Variants in AGRN observed in about 807,000 individuals in gnomAD.
AGRN encodes the protein agrin.
A neutral mutation model predicts 211.0 loss-of-function variants in AGRN; 106 were observed. The observed-to-expected ratio is 0.50, with a 90% CI of 0.43 to 0.59. AGRN has a LOEUF of 0.59. AGRN is among the 20% of genes least tolerant of loss of function. The probability of loss-of-function intolerance (pLI) is 0.00; values close to 1 mark genes in which losing one functional copy is unlikely to be tolerated. For missense variants in AGRN, 3,040 were observed against 2,982.6 expected (o/e 1.02, Z -0.45); for synonymous variants, 1,525 against 1,332.5 (o/e 1.14, Z -3.15).
Position 1,044,405 on chromosome 1 carries a change from A to G in AGRN, c.2220A>G (p.Arg740=). ...AGAAGGCCAGGTGTGAGTCACAGCG[A>G]GGGCTCTACGTAGCGGCCCAGGGAG... ...ELKKARCESQ[R]GLYVAAQGAC... Residue 740 remains arginine, a synonymous_variant, in exon 12 of 36, where the codon CGA becomes CGG. Coordinates refer to ENST00000379370, the MANE Select transcript of AGRN (RefSeq NM_198576.4). 1 of 1,612,196 alleles carries G rather than the reference A, an allele frequency of 6.2e-7. No homozygotes were observed. Among genetic ancestry groups the G allele is most frequent in the Non-Finnish European group, 8.5e-7 (1 of 1,179,594 alleles).
In AGRN at chr1:1,049,338, C is replaced by G; in HGVS notation, c.4401C>G (p.Thr1467=). 2 of 1,598,182 alleles carry G rather than the reference C, an allele frequency of 1.3e-6. No homozygotes were observed. Among genetic ancestry groups the G allele is most frequent in the Middle Eastern group, 1.7e-4 (1 of 6,060 alleles). The change falls in exon 25 of 36, where the codon ACC becomes ACG. Residue 1467 remains threonine (T), a synonymous_variant. Coordinates refer to ENST00000379370, the MANE Select transcript of AGRN (RefSeq NM_198576.4). The part of the protein sequence containing the change: ...LELSRHWRRG[T]LSVDGETPVL... ...TGTCCCGGCACTGGCGCCGGGGCAC[C>G]CTCTCGGTGGATGGTGAGACCCCTG...
chr1:1,035,949 G>T (rs1644795071), intron 3 of AGRN, among the ~76,000 whole-genome samples: 1 of 152,174 alleles, frequency 6.6e-6, no homozygotes, highest in Non-Finnish European at 1.5e-5. Flanking sequence ...CATCGGGGTG[G>T]TGTGAGGGTG....
At position 1,049,990 on chromosome 1, in the gene AGRN, C is replaced by T. The variant is rs60821283; in HGVS notation, c.4832C>T (p.Ala1611Val). 1 of 1,603,286 alleles carries T rather than the reference C, an allele frequency of 6.2e-7. No individual in the cohort carries two copies. Among genetic ancestry groups the T allele is most frequent in the Non-Finnish European group, 8.5e-7 (1 of 1,175,430 alleles). Residue 1611 changes from alanine (A) to valine (V), a missense_variant, in exon 27 of 36, where the codon GCT becomes GTT. Around this residue, in one of 3 missense-constraint regions of AGRN, gnomAD observed 1,537 missense variants for 1,505.0 expected, o/e 1.02. Transcript: ENST00000379370. ...APCRVLPEGG[A>V]QCECPLGREG... Reference sequence around the variant, plus strand: ...TGCCGTGTGCTGCCCGAGGGTGGTGCTCAGTGCGAGTGCCCCCTGGGGCGT... The same window carrying T: ...TGCCGTGTGCTGCCCGAGGGTGGTGTTCAGTGCGAGTGCCCCCTGGGGCGT...
At chr1:1,051,947 C>A (rs780730777) in intron 33 of AGRN, 132 bp downstream of exon 33, 26 of 1,548,354 alleles carry the variant, frequency 1.7e-5, no homozygotes, top group Middle Eastern at 1.7e-4. Context: ...CTCTCTCTCA[C>A]CTCCCGGTCC....
chr1:1,049,746 G>A lies in AGRN; in HGVS notation c.4695G>A (p.Gln1565=), dbSNP rs199876002. The A allele has an allele frequency of 6.3e-7, 1 of 1,579,522 alleles. No individual in the cohort carries two copies. The highest frequency in any genetic ancestry group is 1.4e-5 in the African/African-American group (1 of 74,048). The change falls in exon 26 of 36, where the codon CAG becomes CAA. Residue 1565 remains glutamine, a synonymous_variant. Transcript: ENST00000379370. ...PNPCHGGAPC[Q]NLEAGRFHCQ... ...CCTGCCATGGCGGGGCCCCATGCCA[G>A]AACCTGGAGGCTGGAAGGTTCCATT...
intron 2 of AGRN, among the ~76,000 whole-genome samples, chr1:1,025,998 G>A (rs1644514327): frequency 1.3e-5 from 2 of 152,042 alleles, no homozygotes; most frequent in African/African-American, 4.8e-5. Flanking sequence ...GGGGGGCTTT[G>A]CTGGCTGAAA....
intron 2 of AGRN, among the ~76,000 whole-genome samples, chr1:1,033,767 C>G (rs1644730426): frequency 6.9e-6 from 1 of 145,498 alleles, no homozygotes; most frequent in Non-Finnish European, 1.5e-5. Context: ...ACCCCAGCCC[C>G]AGTCCCGGCC....
intron 3 of AGRN, among the ~76,000 whole-genome samples, chr1:1,036,968 G>C (rs1486612169): frequency 2.0e-5 from 3 of 152,278 alleles, no homozygotes; most frequent in Non-Finnish European, 4.4e-5. Flanking sequence ...CCTGCAACAG[G>C]CTGGGAGAGC....
Position 1,054,620 on chromosome 1 carries a change from C to A in AGRN, c.5980+69C>A, listed in dbSNP as rs914513979. ...ATGATATCCGAGGGACAGACTCCAC[C>A]CCCCAGCGCCCACCCTTGAGTCAGG... is the stretch of plus-strand genomic sequence containing the variant. On this transcript the variant is annotated intron_variant, in intron 35 of 35. Transcript: ENST00000379370. 30 of 1,525,578 alleles carry A rather than the reference C, an allele frequency of 2.0e-5. No homozygotes were observed. The African/African-American group carries it at 3.4e-4, about 18-fold the overall frequency. 94.5% of individuals were successfully genotyped at this position (1,525,578 alleles called of 1,614,324 possible).
At chr1:1,050,372 C>T (rs780489942) in intron 28 of AGRN, 43 bp downstream of exon 28, 48 of 1,612,570 alleles carry the variant, frequency 3.0e-5, no homozygotes, top group African/African-American at 1.1e-4. Flanking sequence ...CCCCCACCTC[C>T]GTCTCTCCTG....
Position 1,049,969 on chromosome 1 carries a change from G to T in AGRN, c.4811G>T (p.Arg1604Leu). The change falls in exon 27 of 36, where the codon CGT becomes CTT. Residue 1604 changes from arginine (R) to leucine (L), a missense_variant. Physicochemically the swap from Arg to Leu is moderately radical, Grantham distance 102. This residue lies in a region of AGRN where 1,537 missense variants were observed against 1,505.0 expected (regional missense o/e 1.02). Transcript: ENST00000379370. ...PNPCHGAAPC[R>L]VLPEGGAQCE... ...CCCTGCCATGGGGCGGCGCCCTGCC[G>T]TGTGCTGCCCGAGGGTGGTGCTCAG... 2 of 1,612,226 alleles carry T rather than the reference G, an allele frequency of 1.2e-6. No individual in the cohort carries two copies. Among genetic ancestry groups the T allele is most frequent in the Non-Finnish European group, 1.7e-6 (2 of 1,179,822 alleles).
intron 1 of AGRN, among the ~76,000 whole-genome samples, chr1:1,021,747 G>A (rs1335148551): frequency 6.6e-6 from 1 of 152,258 alleles, no homozygotes. Flanking sequence ...CCCGAGGAAG[G>A]GGCGTCTCAG....
In AGRN at chr1:1,055,001, G is replaced by C; in HGVS notation, c.*20G>C. ...CCATGAGCTGGCACCAGAGCCCCGC[G>C]CCCGCTGTAATTATTTTCTATTTTT... On this transcript the variant is annotated 3_prime_UTR_variant, in exon 36 of 36. Coordinates refer to ENST00000379370, the MANE Select transcript of AGRN (RefSeq NM_198576.4). The C allele has an allele frequency of 6.5e-7, 1 of 1,546,472 alleles. No homozygotes were observed. Among genetic ancestry groups the C allele is most frequent in the Non-Finnish European group, 8.7e-7 (1 of 1,146,712 alleles).
chr1:1,051,764 T>C lies in AGRN; in HGVS notation c.5600T>C (p.Leu1867Ser). Residue 1867 changes from leucine (L) to serine (S), a missense_variant, in exon 33 of 36, where the codon TTG becomes TCG. Around this residue, in one of 3 missense-constraint regions of AGRN, gnomAD observed 1,537 missense variants for 1,505.0 expected, o/e 1.02. Coordinates refer to ENST00000379370, the MANE Select transcript of AGRN (RefSeq NM_198576.4). ...VEKSAGDVDT[L>S]AFDGRTFVEY... Reference sequence around the variant, plus strand: ...AAGTCAGCGGGGGACGTGGATACCTTGGCCTTTGACGGGCGGACCTTTGTC... The same window carrying C: ...AAGTCAGCGGGGGACGTGGATACCTCGGCCTTTGACGGGCGGACCTTTGTC... 6.2e-7 allele frequency: 1 copy of C among 1,613,880 alleles called. No individual in the cohort carries two copies. Among genetic ancestry groups the C allele is most frequent in the Non-Finnish European group, 8.5e-7 (1 of 1,179,972 alleles).
intron 12 of AGRN, among the ~76,000 whole-genome samples, 187 bp downstream of exon 12, chr1:1,044,626 C>T (rs1247878810): frequency 6.6e-6 from 1 of 152,102 alleles, no homozygotes; most frequent in Admixed American, 6.5e-5. Flanking sequence ...CGTGTGTGTC[C>T]ATCAGTCAGT....
At chr1:1,027,377 G>GGGCTGGTGCTGCAGGTGTGA (rs1553172081) in intron 2 of AGRN, among the ~76,000 whole-genome samples, 2 of 152,210 alleles carry the variant, frequency 1.3e-5, no homozygotes, top group African/African-American at 4.8e-5. Context: ...GGTTCAGCCC[G>GGGCTGGTGCTGCAGGTGTGA]GGCTGGTGCT....
At chr1:1,026,860 C>G (rs1644531463) in intron 2 of AGRN, among the ~76,000 whole-genome samples, 1 of 152,222 alleles carries the variant, frequency 6.6e-6, no homozygotes, top group African/African-American at 2.4e-5. Flanking sequence ...GGAGGAGGCT[C>G]TGTACCCCTG....
intron 33 of AGRN, 60 bp from the exon 34 acceptor site, chr1:1,053,693 T>C: frequency 9.4e-7 from 1 of 1,069,162 alleles, no homozygotes; most frequent in Non-Finnish European, 1.3e-6. Context: ...TCCTCCCGCC[T>C]CCCCCACCCT....
intron 2 of AGRN, among the ~76,000 whole-genome samples, chr1:1,024,310 C>G (rs1644472409): frequency 6.6e-6 from 1 of 152,028 alleles, no homozygotes; most frequent in South Asian, 2.1e-4. Context: ...TCCCCTCACA[C>G]TGGGTGGTGT....
Sources: gnomAD v4.1 joint callset for allele counts (sites outside exome capture counted in the v4.1 genomes callset) on GRCh38, gnomAD v4.1.1 for gene constraint, gnomAD v4.1.1 regional missense constraint, MANE v1.5 for transcripts, NCBI Gene and HGNC (gene_info 2026-07-23, HGNC 2026-07-21) for gene names.